MPDZ: variants seen among roughly 807,000 people sequenced by gnomAD.
MPDZ encodes multiple PDZ domain crumbs cell polarity complex component.
A neutral mutation model predicts 239.1 loss-of-function variants in MPDZ; 234 were observed. That is an observed-to-expected ratio of 0.98 (90% CI 0.88 to 1.09). The LOEUF (loss-of-function observed/expected upper bound fraction) is 1.09. MPDZ is among the 50% of genes least tolerant of loss of function. MPDZ has a pLI of 0.00. For synonymous variants in MPDZ, 1,048 were observed against 881.3 expected (o/e 1.19, Z -3.35); for missense variants, 3,175 against 2,510.0 (o/e 1.26, Z -5.66).
chr9:13,198,674 T>C (rs1423809022), intron 12 of MPDZ, among the ~76,000 whole-genome samples: 4 of 151,696 alleles, frequency 2.6e-5, no homozygotes, highest in Non-Finnish European at 4.4e-5. Flanking sequence ...ACAAATCCAA[T>C]GTCCTGAAGC....
At chr9:13,152,225 T>C (rs1949270774) in intron 24 of MPDZ, among the ~76,000 whole-genome samples, 1 of 152,086 alleles carries the variant, frequency 6.6e-6, no homozygotes, top group South Asian at 2.1e-4. Flanking sequence ...AGTCAAGACA[T>C]GAAGAGCAGT....
intron 3 of MPDZ, among the ~76,000 whole-genome samples, chr9:13,235,082 G>A (rs1337211851): frequency 6.6e-6 from 1 of 152,096 alleles, no homozygotes; most frequent in East Asian, 1.9e-4. Flanking sequence ...ATCTTTCAGT[G>A]AAATACTGAT....
chr9:13,202,406 A>C (rs540835658), intron 12 of MPDZ, among the ~76,000 whole-genome samples: 1 of 152,308 alleles, frequency 6.6e-6, no homozygotes, highest in African/African-American at 2.4e-5. Context: ...TGAGAGCACC[A>C]GGATTTTGTA....
intron 32 of MPDZ, among the ~76,000 whole-genome samples, chr9:13,128,508 C>G (rs1336460699): frequency 6.6e-6 from 1 of 152,202 alleles, no homozygotes; most frequent in African/African-American, 2.4e-5. Flanking sequence ...AAGAGATTCT[C>G]AGCAGAACCC....
chr9:13,208,189 A>AT (rs1416450332), intron 10 of MPDZ, among the ~76,000 whole-genome samples: 1 of 152,204 alleles, frequency 6.6e-6, no homozygotes, highest in African/African-American at 2.4e-5. Context: ...ATGCCTAGTA[A>AT]TCCCAGCACT....
intron 23 of MPDZ, among the ~76,000 whole-genome samples, chr9:13,158,704 C>T (rs184676294): frequency 2.0e-5 from 3 of 152,264 alleles, no homozygotes; most frequent in Admixed American, 1.3e-4. Flanking sequence ...GTTTACAACG[C>T]GTCTGTGTTC....
intron 1 of MPDZ, among the ~76,000 whole-genome samples, chr9:13,254,310 T>C (rs1296884911): frequency 1.3e-5 from 2 of 152,210 alleles, no homozygotes; most frequent in Non-Finnish European, 2.9e-5. Context: ...TTAATGTCCA[T>C]ACATCTTTAA....
chr9:13,275,383 A>T (rs1279964468), intron 1 of MPDZ, among the ~76,000 whole-genome samples: 1 of 152,202 alleles, frequency 6.6e-6, no homozygotes, highest in Non-Finnish European at 1.5e-5. Flanking sequence ...AGCCATCTAC[A>T]AGCCAAAGAG....
At chr9:13,215,735 C>T (rs1958219066) in intron 10 of MPDZ, among the ~76,000 whole-genome samples, 1 of 142,086 alleles carries the variant, frequency 7.0e-6, no homozygotes, top group African/African-American at 2.6e-5. Flanking sequence ...AACAGATAAA[C>T]AGGTTTCTCT....
At chr9:13,219,153 A>C (rs1958736863) in intron 8 of MPDZ, among the ~76,000 whole-genome samples, 1 of 151,886 alleles carries the variant, frequency 6.6e-6, no homozygotes, top group Non-Finnish European at 1.5e-5. Flanking sequence ...ACAAAAACAA[A>C]AATACTAATG....
At chr9:13,234,858 G>A (rs537098558) in intron 3 of MPDZ, among the ~76,000 whole-genome samples, 1 of 151,972 alleles carries the variant, frequency 6.6e-6, no homozygotes, top group African/African-American at 2.4e-5. Context: ...TCTTCTTGCA[G>A]GACAAAAACA....
chr9:13,115,145 T>C, intron 40 of MPDZ, 103 bp downstream of exon 40: 1 of 922,292 alleles, frequency 1.1e-6, no homozygotes, highest in Non-Finnish European at 1.7e-6. Context: ...TATCCCACGC[T>C]GCCAGGGGAC....
At chr9:13,235,086 T>C (rs1204108336) in intron 3 of MPDZ, among the ~76,000 whole-genome samples, 1 of 152,132 alleles carries the variant, frequency 6.6e-6, no homozygotes, top group Non-Finnish European at 1.5e-5. Context: ...TTCAGTGAAA[T>C]ACTGATTAAA....
chr9:13,224,786 T>G (rs1272267807), intron 3 of MPDZ, among the ~76,000 whole-genome samples: 1 of 152,162 alleles, frequency 6.6e-6, no homozygotes, highest in Non-Finnish European at 1.5e-5. Flanking sequence ...AAATGTTCAA[T>G]GCAGCACCAT....
chr9:13,152,170 G>A (rs1481919956), intron 24 of MPDZ, among the ~76,000 whole-genome samples: 1 of 152,090 alleles, frequency 6.6e-6, no homozygotes, highest in Admixed American at 6.6e-5. Context: ...ACCCACCTCT[G>A]TAGAAGGAGA....
At chr9:13,274,354 C>G (rs1413722033) in intron 1 of MPDZ, among the ~76,000 whole-genome samples, 1 of 150,764 alleles carries the variant, frequency 6.6e-6, no homozygotes, top group African/African-American at 2.4e-5. Context: ...TTTATAGCAC[C>G]TTGGATCTGG....
intron 3 of MPDZ, among the ~76,000 whole-genome samples, chr9:13,242,099 A>G (rs1965546396): frequency 6.6e-6 from 1 of 152,068 alleles, no homozygotes; most frequent in Non-Finnish European, 1.5e-5. Flanking sequence ...TCTTAGAATT[A>G]GTAAGATGAA....
At chr9:13,130,515 C>T (rs1167915291) in intron 32 of MPDZ, among the ~76,000 whole-genome samples, 1 of 152,144 alleles carries the variant, frequency 6.6e-6, no homozygotes, top group Non-Finnish European at 1.5e-5. Flanking sequence ...AATTTCTTCT[C>T]TCAGCATGTG....
chr9:13,192,352 T>C, intron 14 of MPDZ, 57 bp from the exon 15 acceptor site: 2 of 1,438,082 alleles, frequency 1.4e-6, no homozygotes. Context: ...AACATTCTTT[T>C]GAACACAATT....
Sources: gnomAD v4.1 joint callset for allele counts (sites outside exome capture counted in the v4.1 genomes callset) on GRCh38, gnomAD v4.1.1 for gene constraint, MANE v1.5 for transcripts, NCBI Gene and HGNC (gene_info 2026-07-23, HGNC 2026-07-21) for gene names.